ZBTB25: variants seen among roughly 807,000 people sequenced by gnomAD.
ZBTB25 encodes zinc finger and BTB domain containing 25.
In ZBTB25, 20 loss-of-function variants were observed where a neutral mutation model predicts 34.2. The ratio of observed to expected loss-of-function variants is 0.58; its 90% CI spans 0.41 to 0.85. The LOEUF is 0.85. Ranked by LOEUF, ZBTB25 falls within the 40% of genes least tolerant of loss-of-function variation. The pLI, the probability that ZBTB25 is intolerant of heterozygous loss-of-function variation, is 0.00. For synonymous variants in ZBTB25, 175 were observed against 186.4 expected (o/e 0.94, Z 0.50); for missense variants, 437 against 521.8 (o/e 0.84, Z 1.58).
intron 1 of ZBTB25, among the ~76,000 whole-genome samples, chr14:64,498,360 T>TG (rs1359219532): frequency 2.0e-5 from 3 of 151,658 alleles, no homozygotes; most frequent in African/African-American, 7.3e-5. Context: ...GGCTGCAGGC[T>TG]GGAGTGCAAT....
rs1487007521 is a variant in ZBTB25 at position 64,456,625 on chromosome 14, TATA to T, written c.174-6990_174-6988del. Among the ~76,000 whole-genome samples, 3 of 152,202 alleles carry T rather than the reference TATA, an allele frequency of 2.0e-5. No individual in the cohort carries two copies. The East Asian group carries it at 5.8e-4, about 29-fold the overall frequency. ...ACAATGGGCATGTGTCTTTTATCTT[TATA>T]ATGTCATCTTCCGGTTTTTCTGCTG... On this transcript the variant is annotated intron_variant, in intron 2 of 2. Coordinates refer to the ZBTB25 transcript ENST00000555220.
At chr14:64,494,619 ACTCTGT>A (rs2079204716) in intron 1 of ZBTB25, among the ~76,000 whole-genome samples, 1 of 152,074 alleles carries the variant, frequency 6.6e-6, no homozygotes, top group Non-Finnish European at 1.5e-5. Context: ...ACAGAGCGAG[ACTCTGT>A]CTCAAAAAAA....
chr14:64,499,574 AAAAG>A, intron 1 of ZBTB25: 1 of 141,672 alleles, frequency 7.1e-6, no homozygotes, highest in Non-Finnish European at 1.6e-5. Context: ...CTCAAAAAAA[AAAAG>A]AAAAAGAAAA....
chr14:64,486,966 G>A lies in ZBTB25; in HGVS notation c.1265C>T (p.Ser422Leu). ...EHLDLPCALE[S>L]ELTQENVDTI... ...ATCCACATTTTCTTGTGTGAGCTCT[G>A]ACTCTAAGGCACAAGGCAAGTCTAA... Residue 422 changes from serine to leucine, a missense_variant, in exon 3 of 3, where the codon TCA (serine) becomes TTA (leucine). Transcript: ENST00000608382. The A allele has an allele frequency of 6.2e-7, 1 of 1,613,892 alleles. No homozygotes were observed. The highest frequency in any genetic ancestry group is 2.2e-5 in the East Asian group (1 of 44,882).
intron 1 of ZBTB25, among the ~76,000 whole-genome samples, chr14:64,498,108 C>A (rs1423245737): frequency 6.6e-6 from 1 of 152,174 alleles, no homozygotes; most frequent in Non-Finnish European, 1.5e-5. Context: ...TTTAATGGAA[C>A]TTTCACATGA....
chr14:64,501,943 C>T (rs776409085), intron 1 of ZBTB25, among the ~76,000 whole-genome samples: 9 of 152,218 alleles, frequency 5.9e-5, no homozygotes, highest in Non-Finnish European at 1.3e-4. Context: ...ATTCCCTTCC[C>T]GGCTGAAACA....
chr14:64,452,720 A>G (rs1412602154), intron 2 of ZBTB25, among the ~76,000 whole-genome samples: 1 of 152,182 alleles, frequency 6.6e-6, no homozygotes, highest in Non-Finnish European at 1.5e-5. Flanking sequence ...CTTGCACTTA[A>G]TCAATTGTGT....
chr14:64,498,642 T>G (rs1330274859), intron 1 of ZBTB25, among the ~76,000 whole-genome samples: 1 of 150,772 alleles, frequency 6.6e-6, no homozygotes, highest in Non-Finnish European at 1.5e-5. Flanking sequence ...ATTTTTATTT[T>G]TATTTTTTTG....
At chr14:64,469,402 G>A in intron 2 of ZBTB25, 1 of 1,613,918 alleles carries the variant, frequency 6.2e-7, no homozygotes. Context: ...AAAGAATGGA[G>A]CCAATTGCTA....
In ZBTB25 at chr14:64,490,208, CAAAAAAAAAAAAAAAAAAAAA is replaced by C. The variant is rs61367816; in HGVS notation, c.173+132_173+152del. On this transcript the variant is annotated intron_variant, in intron 2 of 2. Transcript: ENST00000608382. ...GGGTGACAGAGCAAGACTCTGTCGCCAAAAAAAAAAAAAAAAAAAAAAAAAAAAAAAAAAAATTATAATTTT... is the reference window on the plus strand; with the variant it reads ...GGGTGACAGAGCAAGACTCTGTCGCCAAAAAAAAAAAAAAATTATAATTTT... Among the ~76,000 whole-genome samples the C allele has an allele frequency of 7.5e-3, 680 of 90,940 alleles. 7 individuals carry two copies. In the Middle Eastern group the frequency reaches 0.095, roughly 13 times the overall value. 59.7% of individuals were successfully genotyped at this position (90,940 alleles called of 152,430 possible).
chr14:64,449,421 T>C, exon 3 of ZBTB25: 1 of 1,611,848 alleles, frequency 6.2e-7, no homozygotes, highest in Non-Finnish European at 8.5e-7. Flanking sequence ...TTCCATGCTT[T>C]GATATGAAAT....
intron 1 of ZBTB25, among the ~76,000 whole-genome samples, chr14:64,493,487 T>C (rs2079160098): frequency 6.6e-6 from 1 of 152,198 alleles, no homozygotes; most frequent in Non-Finnish European, 1.5e-5. Flanking sequence ...TCACCATCAT[T>C]AGGCGTGAGT....
At chr14:64,497,854 A>C (rs1438395550) in intron 1 of ZBTB25, among the ~76,000 whole-genome samples, 1 of 152,198 alleles carries the variant, frequency 6.6e-6, no homozygotes, top group Non-Finnish European at 1.5e-5. Context: ...AAGAATCCTT[A>C]ATAAAAAAGG....
intron 1 of ZBTB25, among the ~76,000 whole-genome samples, chr14:64,491,662 C>T (rs568941610): frequency 6.6e-6 from 1 of 152,286 alleles, no homozygotes; most frequent in Non-Finnish European, 1.5e-5. Context: ...TGGTTTCAGG[C>T]AGGTGGCAGA....
intron 1 of ZBTB25, among the ~76,000 whole-genome samples, chr14:64,494,290 G>T (rs2079191661): frequency 6.6e-6 from 1 of 152,156 alleles, no homozygotes; most frequent in African/African-American, 2.4e-5. Context: ...TCTGACAATA[G>T]TACAGGAAAG....
chr14:64,475,757 G>A (rs2078714416), downstream of ZBTB25, among the ~76,000 whole-genome samples: 1 of 152,150 alleles, frequency 6.6e-6, no homozygotes, highest in African/African-American at 2.4e-5. Flanking sequence ...ACCTAGGTGA[G>A]GAGAGGATGG....
Position 64,486,988 on chromosome 14 carries a change from C to G in ZBTB25, c.1243G>C (p.Asp415His), listed in dbSNP as rs1233469066. 6.2e-7 allele frequency: 1 copy of G among 1,614,184 alleles called. No individual in the cohort carries two copies. Among genetic ancestry groups the G allele is most frequent in the Admixed American group, 1.7e-5 (1 of 60,024 alleles). ...KSSRLSQEHL[D>H]LPCALESELT... Reference sequence around the variant, plus strand: ...TCTGACTCTAAGGCACAAGGCAAGTCTAAGTGTTCTTGTGACAAGCGAGAA... The same window carrying G: ...TCTGACTCTAAGGCACAAGGCAAGTGTAAGTGTTCTTGTGACAAGCGAGAA... Residue 415 changes from aspartate (D) to histidine (H), a missense_variant, in exon 3 of 3, where the codon GAC becomes CAC. Coordinates refer to ENST00000608382, the MANE Select transcript of ZBTB25 (RefSeq NM_006977.5).
intron 1 of ZBTB25, among the ~76,000 whole-genome samples, chr14:64,497,188 CAT>C (rs937466405): frequency 2.6e-5 from 4 of 151,970 alleles, no homozygotes; most frequent in South Asian, 2.1e-4. Context: ...ACCAAGTACA[CAT>C]GAGGTGCATT....
chr14:64,490,026 G>A (rs2079021754), intron 2 of ZBTB25, among the ~76,000 whole-genome samples: 1 of 149,780 alleles, frequency 6.7e-6, no homozygotes. Flanking sequence ...TGGCCAACAT[G>A]GTGAAACCCT....
Sources: gnomAD v4.1 joint callset for allele counts (sites outside exome capture counted in the v4.1 genomes callset) on GRCh38, gnomAD v4.1.1 for gene constraint, MANE v1.5 for transcripts, NCBI Gene and HGNC (gene_info 2026-07-23, HGNC 2026-07-21) for gene names.